Variants in CSNK1G1 observed in about 807,000 individuals in gnomAD.
CSNK1G1 encodes casein kinase 1 gamma 1.
CSNK1G1 carries 22 observed loss-of-function variants against 59.6 expected under a neutral mutation model. The ratio of observed to expected loss-of-function variants is 0.37; its 90% CI spans 0.26 to 0.53. The LOEUF is 0.53. Ranked by LOEUF, CSNK1G1 falls within the 20% of genes least tolerant of loss-of-function variation. The pLI is 0.89. For synonymous variants in CSNK1G1, 179 were observed against 177.1 expected, an observed-to-expected ratio of 1.01 and a Z score of -0.08; for missense variants, 384 against 519.5, an observed-to-expected ratio of 0.74 and a Z score of 2.54.
chr15:64,277,830 A>T (rs866431161), intron 2 of CSNK1G1, among the ~76,000 whole-genome samples: 2 of 132,932 alleles, frequency 1.5e-5, no homozygotes, highest in South Asian at 2.3e-4. Context: ...ATATTTAATA[A>T]TAATATTGAT....
In CSNK1G1 at chr15:64,356,107, G is replaced by A. The variant is rs1376191211; in HGVS notation, c.-344C>T. Reference sequence around the variant, plus strand: ...TCTCTTTCCCAGGAGCGGGAGGGAGGGGAGAAGGCGGACGGGAGGGGGAAG... The same window carrying A: ...TCTCTTTCCCAGGAGCGGGAGGGAGAGGAGAAGGCGGACGGGAGGGGGAAG... On this transcript the variant is annotated 5_prime_UTR_variant, in exon 1 of 12. Coordinates refer to ENST00000303052, the MANE Select transcript of CSNK1G1 (RefSeq NM_022048.5). The A allele has an allele frequency of 6.6e-6, 1 of 152,222 alleles. No homozygotes were observed. Among genetic ancestry groups the A allele is most frequent in the Non-Finnish European group, 1.5e-5 (1 of 68,064 alleles). The allele number at this position is 152,222 out of a possible 1,614,324, so 9.4% of individuals were successfully genotyped here.
chr15:64,270,485 C>T (rs1458221125), intron 2 of CSNK1G1, among the ~76,000 whole-genome samples: 30 of 152,046 alleles, frequency 2.0e-4, no homozygotes, highest in African/African-American at 6.3e-4. Context: ...TGTGGCCGGG[C>T]GCAGTGGCTC....
chr15:64,312,564 G>T (rs1896052405), intron 1 of CSNK1G1, among the ~76,000 whole-genome samples: 2 of 152,144 alleles, frequency 1.3e-5, no homozygotes, highest in Admixed American at 1.3e-4. Context: ...GCAGAAAACT[G>T]AAACAGGACC....
At chr15:64,203,248 A>G (rs531988250) in intron 9 of CSNK1G1, 59 bp from the exon 10 acceptor site, 1 of 1,019,964 alleles carries the variant, frequency 9.8e-7, no homozygotes, top group African/African-American at 1.6e-5. Context: ...ATGCATATGC[A>G]AAGGACAGAA....
At chr15:64,236,694 T>G (rs1011258798) in intron 4 of CSNK1G1, among the ~76,000 whole-genome samples, 14 of 152,328 alleles carry the variant, frequency 9.2e-5, no homozygotes, top group African/African-American at 3.1e-4. Context: ...TTGGTGGGAA[T>G]GTAAATTAGT....
At chr15:64,280,819 T>C (rs1004231255) in intron 2 of CSNK1G1, among the ~76,000 whole-genome samples, 2 of 152,210 alleles carry the variant, frequency 1.3e-5, no homozygotes, top group Non-Finnish European at 2.9e-5. Context: ...GATGAGTGAA[T>C]GGCTAAACAA....
chr15:64,267,061 G>A (rs974538641), intron 2 of CSNK1G1, among the ~76,000 whole-genome samples: 2 of 152,020 alleles, frequency 1.3e-5, no homozygotes, highest in African/African-American at 4.8e-5. Flanking sequence ...TTCAAGACCA[G>A]CCTGGCCAAC....
chr15:64,246,816 C>A (rs1033099774), intron 4 of CSNK1G1, among the ~76,000 whole-genome samples: 2 of 152,052 alleles, frequency 1.3e-5, no homozygotes, highest in Non-Finnish European at 2.9e-5. Flanking sequence ...TCATTTACTG[C>A]AAAGAATCCT....
intron 1 of CSNK1G1, among the ~76,000 whole-genome samples, chr15:64,333,631 A>T (rs1404429412): frequency 6.6e-6 from 1 of 152,102 alleles, no homozygotes; most frequent in African/African-American, 2.4e-5. Flanking sequence ...GCGCCACTTA[A>T]AAGGTACAAA....
At chr15:64,319,786 G>A (rs1478766718) in intron 1 of CSNK1G1, among the ~76,000 whole-genome samples, 1 of 152,100 alleles carries the variant, frequency 6.6e-6, no homozygotes, top group Admixed American at 6.6e-5. Context: ...CCTGAGCTCA[G>A]GCAATCCGCT....
At chr15:64,241,724 T>C (rs1891470137) in intron 4 of CSNK1G1, among the ~76,000 whole-genome samples, 1 of 150,854 alleles carries the variant, frequency 6.6e-6, no homozygotes, top group Non-Finnish European at 1.5e-5. Context: ...AATAAAGAAA[T>C]CAAGATGGTG....
chr15:64,342,514 A>G (rs1897731821), intron 1 of CSNK1G1: 2 of 152,166 alleles, frequency 1.3e-5, no homozygotes, highest in Admixed American at 6.6e-5. Context: ...AGTAATCCAA[A>G]GTATTGTGCA....
chr15:64,291,829 C>T (rs1047932847), intron 2 of CSNK1G1, among the ~76,000 whole-genome samples: 3 of 152,080 alleles, frequency 2.0e-5, no homozygotes, highest in Admixed American at 6.6e-5. Flanking sequence ...AAATGAACTG[C>T]TTTAGATAGT....
intron 1 of CSNK1G1, among the ~76,000 whole-genome samples, chr15:64,353,736 CAGG>C (rs904300466): frequency 4.6e-5 from 7 of 151,554 alleles, no homozygotes; most frequent in African/African-American, 1.5e-4. Context: ...GAGGGCGACG[CAGG>C]AGGTTTGCTT....
intron 4 of CSNK1G1, among the ~76,000 whole-genome samples, chr15:64,225,722 GT>G (rs1217319325): frequency 6.6e-6 from 1 of 152,174 alleles, no homozygotes. Flanking sequence ...TGCCTCCCAA[GT>G]TCAACTGATT....
chr15:64,226,107 G>A (rs916348313), intron 4 of CSNK1G1, among the ~76,000 whole-genome samples: 1 of 152,188 alleles, frequency 6.6e-6, no homozygotes, highest in Non-Finnish European at 1.5e-5. Flanking sequence ...CAAGAACTTG[G>A]ACAACTCACA....
intron 4 of CSNK1G1, among the ~76,000 whole-genome samples, chr15:64,248,973 A>G (rs1442049711): frequency 6.6e-6 from 1 of 152,112 alleles, no homozygotes; most frequent in Non-Finnish European, 1.5e-5. Context: ...ACAAAAAAAA[A>G]CTAGCTGGGC....
intron 4 of CSNK1G1, among the ~76,000 whole-genome samples, chr15:64,225,092 T>C (rs2082441137): frequency 6.9e-6 from 1 of 144,974 alleles, no homozygotes; most frequent in Non-Finnish European, 1.5e-5. Flanking sequence ...CACTGCAACC[T>C]CTACCTCCTG....
At chr15:64,234,972 A>G (rs562011989) in intron 4 of CSNK1G1, among the ~76,000 whole-genome samples, 198 of 152,278 alleles carry the variant, frequency 1.3e-3, no homozygotes, top group Non-Finnish European at 2.2e-3. Context: ...TTTTCCCACA[A>G]AATACAAGAA....
Sources: gnomAD v4.1 joint callset for allele counts (sites outside exome capture counted in the v4.1 genomes callset) on GRCh38, gnomAD v4.1.1 for gene constraint, MANE v1.5 for transcripts, NCBI Gene and HGNC (gene_info 2026-07-23, HGNC 2026-07-21) for gene names.